The following TAF3 variants were observed in gnomAD, a reference collection of about 807,000 sequenced individuals.
TAF3 encodes transcription initiation factor TFIID subunit 3.
Under a neutral mutation model 80.6 loss-of-function variants are expected in TAF3, and 7 were observed. The observed-to-expected ratio is 0.09, with a 90% CI of 0.05 to 0.16. The LOEUF is 0.16. TAF3 is among the 10% of genes least tolerant of loss of function. TAF3 has a pLI of 1.00. For missense variants in TAF3, 921 were observed against 1,140.2 expected, an observed-to-expected ratio of 0.81 and a Z score of 2.77; for synonymous variants, 444 against 446.1, an observed-to-expected ratio of 1.00 and a Z score of 0.06.
chr10:7,970,120 A>G lies in TAF3; in HGVS notation c.2232+4378A>G, dbSNP rs1374057760. On this transcript the variant is annotated intron_variant, in intron 3 of 6. Coordinates refer to ENST00000344293, the MANE Select transcript of TAF3 (RefSeq NM_031923.4). ...ACTACAACAGTTCCTGAATTTTCAT[A>G]CACATATCCAATAGTGTTGATGATC... Among the ~76,000 whole-genome samples, 3 of 152,348 alleles carry G rather than the reference A, an allele frequency of 2.0e-5. No individual in the cohort carries two copies. The East Asian group carries it at 5.8e-4, about 29-fold the overall frequency.
chr10:7,882,680 G>A (rs1365693050), intron 2 of TAF3, among the ~76,000 whole-genome samples: 2 of 152,198 alleles, frequency 1.3e-5, no homozygotes, highest in African/African-American at 4.8e-5. Context: ...AAGGCAGTGA[G>A]CAGTAAGATC....
Position 7,964,571 on chromosome 10 carries a change from A to C in TAF3, c.1061A>C (p.Lys354Thr). Residue 354 changes from lysine (K) to threonine (T), a missense_variant, in exon 3 of 7, where the codon AAA becomes ACA. By Grantham distance (78) the Lys-to-Thr change is moderately conservative (BLOSUM62 -1). Coordinates refer to ENST00000344293, the MANE Select transcript of TAF3 (RefSeq NM_031923.4). This position sits in a 1 kb window ranked among gnomAD's most constrained non-coding sequence, Gnocchi z 4.1. ...PSATLSEKIS[K>T]ETIQVKQIQT... ...GCTACACTCAGTGAAAAAATCAGTA[A>C]AGAGACTATCCAGGTAAAACAAATA... 2 of 1,614,096 alleles carry C rather than the reference A, an allele frequency of 1.2e-6. No homozygotes were observed. Among genetic ancestry groups the C allele is most frequent in the Non-Finnish European group, 1.7e-6 (2 of 1,180,030 alleles).
chr10:7,960,708 G>C (rs116759342), intron 2 of TAF3, among the ~76,000 whole-genome samples: 1,869 of 152,348 alleles, frequency 0.012, 40 homozygotes, highest in African/African-American at 0.042. Context: ...CACCTTGTCA[G>C]TCATACTGGA....
chr10:7,833,821 C>T (rs1474164584), intron 2 of TAF3: 3 of 557,504 alleles, frequency 5.4e-6, no homozygotes, highest in African/African-American at 2.0e-5. Flanking sequence ...TGCAGTTCTT[C>T]AGCAGAACTG....
At chr10:7,981,677 T>A (rs1180539401) in intron 4 of TAF3, among the ~76,000 whole-genome samples, 1 of 152,236 alleles carries the variant, frequency 6.6e-6, no homozygotes, top group Non-Finnish European at 1.5e-5. Context: ...TGATTTCTGG[T>A]GGCAAGTGGA....
rs1163440628 is a variant in TAF3, at chr10:7,964,376, C to G, written c.866C>G (p.Ala289Gly). Reference sequence around the variant, plus strand: ...CAGAAGACTAAATCACCTAAAACCGCCCAGTCACCAGCAATGGTCGGAAGT... The same window carrying G: ...CAGAAGACTAAATCACCTAAAACCGGCCAGTCACCAGCAATGGTCGGAAGT... The part of the protein sequence containing the change: ...PGQKTKSPKT[A>G]QSPAMVGSPI... Residue 289 changes from alanine (A) to glycine (G), a missense_variant, in exon 3 of 7, where the codon GCC (alanine) becomes GGC (glycine). Around this residue, in one of 6 missense-constraint regions of TAF3, gnomAD observed 743 missense variants for 821.0 expected, o/e 0.90. Coordinates refer to ENST00000344293, the MANE Select transcript of TAF3 (RefSeq NM_031923.4). This position sits in a 1 kb window ranked among gnomAD's most constrained non-coding sequence, Gnocchi z 4.1. The G allele has an allele frequency of 6.2e-7, 1 of 1,614,110 alleles. No homozygotes were observed. The highest frequency in any genetic ancestry group is 2.2e-5 in the East Asian group (1 of 44,882).
intron 2 of TAF3, among the ~76,000 whole-genome samples, chr10:7,962,076 C>T (rs938506362): frequency 6.6e-6 from 1 of 152,088 alleles, no homozygotes; most frequent in South Asian, 2.1e-4. Flanking sequence ...GTTTCAAACT[C>T]CTGGGCTCAG....
chr10:7,850,628 A>G (rs1420758119), intron 2 of TAF3, among the ~76,000 whole-genome samples: 1 of 151,940 alleles, frequency 6.6e-6, no homozygotes, highest in African/African-American at 2.4e-5. Flanking sequence ...GTGAGCTGAG[A>G]TGGTGCCACT....
At chr10:7,857,285 ATG>A (rs1410048599) in intron 2 of TAF3, among the ~76,000 whole-genome samples, 2 of 152,236 alleles carry the variant, frequency 1.3e-5, no homozygotes, top group African/African-American at 4.8e-5. Flanking sequence ...TCACTTATAA[ATG>A]TAATCTACAT....
intron 4 of TAF3, 91 bp from the exon 5 acceptor site, chr10:8,008,987 G>A (rs778279563): frequency 4.7e-6 from 7 of 1,482,842 alleles, no homozygotes; most frequent in Non-Finnish European, 6.3e-6. Context: ...GCTACTGGAA[G>A]AAAAGCTATT....
chr10:7,963,956 C>A lies in TAF3; in HGVS notation c.446C>A (p.Thr149Lys). 1 of 1,612,876 alleles carries A rather than the reference C, an allele frequency of 6.2e-7. No homozygotes were observed. Residue 149 changes from threonine to lysine, a missense_variant, in exon 3 of 7, where the codon ACA becomes AAA. Physicochemically the swap from Thr to Lys is moderately conservative, Grantham distance 78 (BLOSUM62 -1). Coordinates refer to ENST00000344293, the MANE Select transcript of TAF3 (RefSeq NM_031923.4). ...EEEQVPTDGG[T>K]SAEAMQVPLE... is the part of the protein sequence containing the mutation. ...GAGCAGGTGCCCACTGATGGAGGCA[C>A]ATCAGCAGAAGCCATGCAGGTTCCC...
At chr10:7,924,247 G>A (rs903673746) in intron 2 of TAF3, among the ~76,000 whole-genome samples, 13 of 152,146 alleles carry the variant, frequency 8.5e-5, no homozygotes, top group Admixed American at 6.5e-5. Context: ...AGAGTACACC[G>A]AGTTTGTTTT....
chr10:8,006,161 C>G (rs1831989338), intron 4 of TAF3, among the ~76,000 whole-genome samples: 1 of 148,200 alleles, frequency 6.7e-6, no homozygotes, highest in Non-Finnish European at 1.5e-5. Context: ...GAAACCCCGT[C>G]TCTACTGAAA....
At chr10:7,911,402 T>G (rs1286223379) in intron 2 of TAF3, among the ~76,000 whole-genome samples, 1 of 152,240 alleles carries the variant, frequency 6.6e-6, no homozygotes, top group Non-Finnish European at 1.5e-5. Flanking sequence ...AACACTTGCT[T>G]CTGAGTTTCA....
chr10:7,971,777 T>C (rs1339879632), intron 3 of TAF3, among the ~76,000 whole-genome samples: 1 of 152,194 alleles, frequency 6.6e-6, no homozygotes, highest in African/African-American at 2.4e-5. Flanking sequence ...GAGTTAGAGC[T>C]TTATCAGTTG....
intron 2 of TAF3, among the ~76,000 whole-genome samples, chr10:7,884,694 C>CT (rs1466873487): frequency 2.0e-5 from 3 of 152,154 alleles, no homozygotes; most frequent in African/African-American, 7.2e-5. Context: ...GGCCTGCCTC[C>CT]TTTTTTTGAA....
chr10:7,961,816 C>T (rs921662417), intron 2 of TAF3, among the ~76,000 whole-genome samples: 17 of 152,150 alleles, frequency 1.1e-4, no homozygotes, highest in African/African-American at 4.1e-4. Context: ...TTCATCACTA[C>T]ATTTATCACT....
intron 2 of TAF3, among the ~76,000 whole-genome samples, chr10:7,942,802 A>T (rs912985382): frequency 1.8e-4 from 28 of 152,092 alleles, no homozygotes; most frequent in Non-Finnish European, 2.9e-4. Flanking sequence ...AGTTAAAAAA[A>T]TTTTTTTTTG....
chr10:7,897,021 C>A (rs965605452), intron 2 of TAF3, among the ~76,000 whole-genome samples: 1 of 152,202 alleles, frequency 6.6e-6, no homozygotes, highest in African/African-American at 2.4e-5. Context: ...ACATTCTTGA[C>A]CACATGGTCC....
Sources: gnomAD v4.1 joint callset for allele counts (sites outside exome capture counted in the v4.1 genomes callset) on GRCh38, gnomAD v4.1.1 for gene constraint, gnomAD v4.1.1 regional missense constraint, Gnocchi (gnomAD v3.1) non-coding constraint, MANE v1.5 for transcripts, NCBI Gene and HGNC (gene_info 2026-07-23, HGNC 2026-07-21) for gene names.